The following IQSEC1 variants were observed in gnomAD, a reference collection of about 807,000 sequenced individuals.
IQSEC1 encodes IQ motif and SEC7 domain-containing protein 1.
In IQSEC1, 31 loss-of-function variants were observed where a neutral mutation model predicts 91.0. The observed-to-expected ratio is 0.34, with a 90% CI of 0.26 to 0.46. IQSEC1 has a LOEUF of 0.46. Ranked by LOEUF, IQSEC1 falls within the 20% of genes least tolerant of loss-of-function variation. IQSEC1 has a pLI of 1.00. For synonymous variants in IQSEC1, 699 were observed against 662.6 expected, an observed-to-expected ratio of 1.05 and a Z score of -0.84; for missense variants, 1,388 against 1,575.6, an observed-to-expected ratio of 0.88 and a Z score of 2.02.
At position 12,899,291 on chromosome 3, in the gene IQSEC1, C is replaced by G. The variant is rs148960685; in HGVS notation, c.*1692G>C. On this transcript the variant is annotated 3_prime_UTR_variant, in exon 14 of 14. Transcript: ENST00000613206. The stretch of plus-strand genomic sequence containing the variant: ...GGCTCACCACGCTGTCCACTGGGAA[C>G]GCGGCCCCGCGGCCCGCAGAGTCAG... 3 of 1,335,900 alleles carry G rather than the reference C, an allele frequency of 2.2e-6. No homozygotes were observed. In the South Asian group the frequency reaches 3.8e-5, roughly 17 times the overall value. The allele number at this position is 1,335,900 out of a possible 1,614,324, so 82.8% of individuals were successfully genotyped here.
chr3:12,998,007 T>G (rs549961082), intron 1 of IQSEC1, among the ~76,000 whole-genome samples: 2 of 152,338 alleles, frequency 1.3e-5, no homozygotes, highest in Admixed American at 1.3e-4. Flanking sequence ...CAGATTATAA[T>G]TAAGACACAT....
At chr3:13,253,263 T>C (rs1695229596) in intron 1 of IQSEC1, among the ~76,000 whole-genome samples, 1 of 152,198 alleles carries the variant, frequency 6.6e-6, no homozygotes, top group African/African-American at 2.4e-5. Context: ...CTTGGTAACT[T>C]GCCATAGGGT....
At chr3:13,209,200 C>T (rs545418343) in intron 1 of IQSEC1, among the ~76,000 whole-genome samples, 1 of 152,172 alleles carries the variant, frequency 6.6e-6, no homozygotes, top group South Asian at 2.1e-4. Flanking sequence ...GGCATGCAGC[C>T]CACAAAGCCC....
chr3:13,111,214 C>T (rs1202252010), intron 2 of IQSEC1, among the ~76,000 whole-genome samples: 1 of 152,212 alleles, frequency 6.6e-6, no homozygotes, highest in Non-Finnish European at 1.5e-5. Context: ...AGCCCACCTC[C>T]CCAGTGTGCC....
chr3:13,224,775 G>A (rs528224161), intron 1 of IQSEC1, among the ~76,000 whole-genome samples: 2 of 152,168 alleles, frequency 1.3e-5, no homozygotes, highest in Non-Finnish European at 2.9e-5. Context: ...GCCAACTCCC[G>A]TGACCACACA....
chr3:13,073,559 G>GCTCC (rs552852847), upstream of IQSEC1, among the ~76,000 whole-genome samples: 3,852 of 152,138 alleles, frequency 0.025, 165 homozygotes, highest in African/African-American at 0.088. Context: ...GCGGCCGCTC[G>GCTCC]GCTGCGCCCT....
intron 1 of IQSEC1, among the ~76,000 whole-genome samples, chr3:12,977,510 G>T (rs1199737159): frequency 6.6e-6 from 1 of 152,226 alleles, no homozygotes; most frequent in Non-Finnish European, 1.5e-5. Context: ...AGAGAAAGCT[G>T]CAAGGGCTTG....
chr3:12,984,014 T>C (rs987067013), intron 1 of IQSEC1, among the ~76,000 whole-genome samples: 1 of 152,092 alleles, frequency 6.6e-6, no homozygotes, highest in South Asian at 2.1e-4. Flanking sequence ...CACAGAGCTG[T>C]CCTGACCCAA....
At chr3:13,058,246 C>G (rs1286187524) in intron 1 of IQSEC1, among the ~76,000 whole-genome samples, 1 of 152,180 alleles carries the variant, frequency 6.6e-6, no homozygotes, top group African/African-American at 2.4e-5. Context: ...GCACTCCAGC[C>G]TGGGCGACAG....
At chr3:13,064,167 C>T (rs1705161668) in intron 1 of IQSEC1, among the ~76,000 whole-genome samples, 1 of 152,164 alleles carries the variant, frequency 6.6e-6, no homozygotes, top group Admixed American at 6.5e-5. Flanking sequence ...GTGGAGCCTG[C>T]ATACATGATA....
At chr3:12,942,906 A>G (rs1437845849) in intron 1 of IQSEC1, among the ~76,000 whole-genome samples, 1 of 152,208 alleles carries the variant, frequency 6.6e-6, no homozygotes, top group African/African-American at 2.4e-5. Flanking sequence ...GGCCAAGGAG[A>G]GGGGCCATGG....
In IQSEC1 at chr3:13,137,925, C is replaced by T. The variant is rs17037767; in HGVS notation, c.302+26179G>A. Among the ~76,000 whole-genome samples, 1,245 of 152,302 alleles carry T rather than the reference C, an allele frequency of 8.2e-3. 25 individuals carry two copies. Among genetic ancestry groups the T allele is most frequent in the African/African-American group, 0.028 (1,176 of 41,556 alleles). On this transcript the variant is annotated intron_variant, in intron 2 of 15. Transcript: ENST00000648114. ...TGCAAAGAAAAAAAGAGGAGGATCA[C>T]GGTATCTGACCACTAGACAGACCCA...
At chr3:13,077,004 G>A (rs1057069071), upstream of IQSEC1, among the ~76,000 whole-genome samples, 1 of 147,102 alleles carries the variant, frequency 6.8e-6, no homozygotes, top group Non-Finnish European at 1.5e-5. Flanking sequence ...AAAAAAAATG[G>A]CATCATTTTA....
At chr3:13,249,666 C>T (rs143289698) in intron 1 of IQSEC1, among the ~76,000 whole-genome samples, 57 of 152,280 alleles carry the variant, frequency 3.7e-4, no homozygotes, top group African/African-American at 1.3e-3. Context: ...AGGCAAACCA[C>T]TCCATCTCTC....
Position 12,900,740 on chromosome 3 carries a change from G to T in IQSEC1, c.*243C>A. On this transcript the variant is annotated 3_prime_UTR_variant, in exon 14 of 14. Coordinates refer to ENST00000613206, the MANE Select transcript of IQSEC1 (RefSeq NM_001134382.3). ...CGTTTCAAGGCTGATGGTGTCTGAGGCCCACCCATCCCTCAGACTGAGGTG... is the reference window on the plus strand; with the variant it reads ...CGTTTCAAGGCTGATGGTGTCTGAGTCCCACCCATCCCTCAGACTGAGGTG... The T allele has an allele frequency of 7.1e-7, 1 of 1,417,952 alleles. No homozygotes were observed. The highest frequency in any genetic ancestry group is 1.5e-5 in the South Asian group (1 of 66,526). 87.8% of individuals were successfully genotyped at this position (1,417,952 alleles called of 1,614,324 possible).
chr3:13,164,196 G>A (rs1021195878), intron 1 of IQSEC1, among the ~76,000 whole-genome samples: 8 of 152,152 alleles, frequency 5.3e-5, no homozygotes, highest in Non-Finnish European at 1.0e-4. Flanking sequence ...CCTGCACAAC[G>A]ACACTAGATG....
chr3:12,978,369 C>A (rs1372963692), intron 1 of IQSEC1, among the ~76,000 whole-genome samples: 3 of 152,112 alleles, frequency 2.0e-5, no homozygotes, highest in African/African-American at 4.8e-5. Context: ...AAATTCCCAC[C>A]CCCCAGATGA....
rs75593112 is a variant in IQSEC1, at chr3:12,950,336, G to T, written c.24-8471C>A. On this transcript the variant is annotated intron_variant, in intron 1 of 13. Transcript: ENST00000613206. ...AAGGAGCAGAATGCAAGGATACAAAGAAATGGACCTCAAAGGAAAACCGAA... is the reference window on the plus strand; with the variant it reads ...AAGGAGCAGAATGCAAGGATACAAATAAATGGACCTCAAAGGAAAACCGAA... Among the ~76,000 whole-genome samples the T allele has an allele frequency of 4.1e-3, 625 of 152,314 alleles. 5 individuals are homozygous for T. The highest frequency in any genetic ancestry group is 0.014 in the African/African-American group (585 of 41,568).
At chr3:13,147,014 A>C (rs1296915683) in intron 2 of IQSEC1, among the ~76,000 whole-genome samples, 1 of 152,274 alleles carries the variant, frequency 6.6e-6, no homozygotes, top group African/African-American at 2.4e-5. Context: ...GCAAGTGACA[A>C]AAAGCAAAGA....
Sources: gnomAD v4.1 joint callset for allele counts (sites outside exome capture counted in the v4.1 genomes callset) on GRCh38, gnomAD v4.1.1 for gene constraint, MANE v1.5 for transcripts, NCBI Gene and HGNC (gene_info 2026-07-23, HGNC 2026-07-21) for gene names.